Variants in PELI2 observed in about 807,000 individuals in gnomAD.
The protein encoded by PELI2 is pellino E3 ubiquitin protein ligase family member 2.
Under a neutral mutation model 42.3 loss-of-function variants are expected in PELI2, and 23 were observed. The ratio of observed to expected loss-of-function variants is 0.54; its 90% confidence interval spans 0.39 to 0.77. PELI2 has a LOEUF of 0.77. Among genes scored for constraint, PELI2 ranks in the 30% least tolerant of loss-of-function variants. The pLI is 0.00. For missense variants in PELI2, 463 were observed against 553.2 expected, an observed-to-expected ratio of 0.84 and a Z score of 1.64; for synonymous variants, 245 against 212.2, an observed-to-expected ratio of 1.15 and a Z score of -1.34.
chr14:56,258,167 A>G (rs957813268), intron 2 of PELI2, among the ~76,000 whole-genome samples: 1 of 152,204 alleles, frequency 6.6e-6, no homozygotes, highest in Non-Finnish European at 1.5e-5. Context: ...AATTATCCCT[A>G]GATCAAAGTG....
rs1890147747 is a variant in PELI2, at chr14:56,300,713, C to T, written c.*3547C>T. ...GCCTTGCCTCATAACAGTGGAATTT[C>T]TGATAGACAAACCACAGGACTTTGA... On this transcript the variant is annotated 3_prime_UTR_variant, in exon 6 of 6. Transcript: ENST00000267460. 2 of 152,164 alleles carry T rather than the reference C, an allele frequency of 1.3e-5. No individual in the cohort carries two copies. The highest frequency in any genetic ancestry group is 6.5e-5 in the Admixed American group (1 of 15,284). 9.4% of individuals were successfully genotyped at this position (152,164 alleles called of 1,614,324 possible). A position where few individuals can be genotyped will look rare whatever the true frequency, so the allele number is the denominator to read the frequency against.
At chr14:56,159,147 TGATGCTGTGTAACAAATCATCCC>T (rs1316529821) in intron 1 of PELI2, among the ~76,000 whole-genome samples, 1 of 152,248 alleles carries the variant, frequency 6.6e-6, no homozygotes, top group Non-Finnish European at 1.5e-5. Flanking sequence ...TATTGCCATA[TGATGCTGTGTAACAAATCATCCC>T]GAAACTCAGT....
intron 1 of PELI2, among the ~76,000 whole-genome samples, chr14:56,152,222 T>G (rs750674968): frequency 2.6e-5 from 4 of 152,176 alleles, no homozygotes; most frequent in Non-Finnish European, 5.9e-5. Context: ...CAGGTTAGAT[T>G]CCCAGTTCTG....
Position 56,290,925 on chromosome 14 carries a change from C to T in PELI2, c.696+469C>T, listed in dbSNP as rs189430098. Among the ~76,000 whole-genome samples the T allele has an allele frequency of 3.1e-3, 474 of 152,304 alleles. 2 individuals carry two copies. Among genetic ancestry groups the T allele is most frequent in the Non-Finnish European group, 4.8e-3 (326 of 68,034 alleles). On this transcript the variant is annotated intron_variant, in intron 5 of 5. Transcript: ENST00000267460. ...AATTCCTATATATTAAGGCAGAATT[C>T]TCTATACTGTCCACCAAAATCATAG...
At chr14:56,136,450 G>A (rs938335454) in intron 1 of PELI2, among the ~76,000 whole-genome samples, 6 of 152,184 alleles carry the variant, frequency 3.9e-5, no homozygotes, top group Non-Finnish European at 8.8e-5. Flanking sequence ...TTGAAAATGA[G>A]ATTAAATCAG....
intron 1 of PELI2, among the ~76,000 whole-genome samples, chr14:56,156,227 A>G (rs910377713): frequency 2.6e-5 from 4 of 152,204 alleles, no homozygotes; most frequent in Non-Finnish European, 4.4e-5. Context: ...TTATAGGTGA[A>G]TCATACTTTG....
At chr14:56,157,381 T>A (rs182072646) in intron 1 of PELI2, among the ~76,000 whole-genome samples, 1 of 152,354 alleles carries the variant, frequency 6.6e-6, no homozygotes, top group South Asian at 2.1e-4. Flanking sequence ...ATTAGTTATA[T>A]GTAGATATTC....
chr14:56,280,759 G>A (rs558928561), intron 3 of PELI2, among the ~76,000 whole-genome samples: 3 of 152,144 alleles, frequency 2.0e-5, no homozygotes, highest in East Asian at 1.9e-4. Flanking sequence ...TTTACCCTAC[G>A]CATTTTCACT....
intron 2 of PELI2, among the ~76,000 whole-genome samples, chr14:56,235,427 C>T (rs1246512028): frequency 2.6e-5 from 4 of 152,224 alleles, no homozygotes; most frequent in East Asian, 1.9e-4. Context: ...GGCTCACTCC[C>T]GTGAACTCCA....
chr14:56,132,091 G>T (rs1883507064), intron 1 of PELI2, among the ~76,000 whole-genome samples: 1 of 152,144 alleles, frequency 6.6e-6, no homozygotes, highest in Admixed American at 6.5e-5. Flanking sequence ...AAGGGGCCCA[G>T]GCTCCTGCCA....
At chr14:56,263,098 G>A (rs1263675849) in intron 2 of PELI2, among the ~76,000 whole-genome samples, 3 of 151,780 alleles carry the variant, frequency 2.0e-5, no homozygotes, top group Non-Finnish European at 4.4e-5. Flanking sequence ...CTGGGATTAC[G>A]GGCGCCTGCC....
intron 2 of PELI2, among the ~76,000 whole-genome samples, chr14:56,216,235 G>A (rs1378377617): frequency 6.6e-6 from 1 of 152,188 alleles, no homozygotes; most frequent in Non-Finnish European, 1.5e-5. Context: ...TCAGGCAGAG[G>A]CTATTCAAGG....
At chr14:56,272,249 A>G (rs533241779) in intron 2 of PELI2, among the ~76,000 whole-genome samples, 1 of 152,376 alleles carries the variant, frequency 6.6e-6, no homozygotes, top group South Asian at 2.1e-4. Context: ...CTCCTGAGTC[A>G]TTTGGTACTA....
At chr14:56,167,661 T>C (rs1385141014) in intron 1 of PELI2, among the ~76,000 whole-genome samples, 1 of 152,230 alleles carries the variant, frequency 6.6e-6, no homozygotes, top group Non-Finnish European at 1.5e-5. Flanking sequence ...TGTTTCTCTA[T>C]GTTTGGTCCC....
intron 2 of PELI2, among the ~76,000 whole-genome samples, chr14:56,255,302 A>G (rs1202526386): frequency 6.6e-6 from 1 of 152,254 alleles, no homozygotes; most frequent in Non-Finnish European, 1.5e-5. Flanking sequence ...AATACTATGC[A>G]GCCATAGAAA....
At chr14:56,294,899 T>C (rs905554548) in intron 5 of PELI2, among the ~76,000 whole-genome samples, 4 of 152,214 alleles carry the variant, frequency 2.6e-5, no homozygotes, top group African/African-American at 9.7e-5. Flanking sequence ...TTAATGGATG[T>C]GGAAGCCAGG....
chr14:56,243,238 T>C (rs1888038878), intron 2 of PELI2, among the ~76,000 whole-genome samples: 1 of 152,164 alleles, frequency 6.6e-6, no homozygotes, highest in Non-Finnish European at 1.5e-5. Flanking sequence ...TCCCCCTTGA[T>C]ATAAGATGCA....
intron 2 of PELI2, among the ~76,000 whole-genome samples, chr14:56,179,842 T>C (rs1481626065): frequency 1.3e-5 from 2 of 152,206 alleles, no homozygotes; most frequent in Non-Finnish European, 2.9e-5. Flanking sequence ...TAATTTTGTC[T>C]ATTTGTTGAC....
At chr14:56,213,831 A>G (rs1038196589) in intron 2 of PELI2, among the ~76,000 whole-genome samples, 1 of 152,164 alleles carries the variant, frequency 6.6e-6, no homozygotes, top group Non-Finnish European at 1.5e-5. Flanking sequence ...TGTGCCTTGC[A>G]CAGTGGTTTT....
Sources: allele counts gnomAD v4.1 joint callset (sites outside exome capture counted in the v4.1 genomes callset), GRCh38; gene constraint gnomAD v4.1.1; transcripts MANE v1.5; gene names NCBI Gene and HGNC (gene_info 2026-07-23, HGNC 2026-07-21).